The following BBX variants were observed in gnomAD, a reference collection of about 807,000 sequenced individuals.
BBX encodes the protein HMG box transcription factor BBX.
A neutral mutation model predicts 100.2 loss-of-function variants in BBX; 30 were observed. The ratio of observed to expected loss-of-function variants is 0.30; its 90% CI spans 0.22 to 0.41. BBX has a LOEUF of 0.41. BBX is among the 10% of genes least tolerant of loss of function. BBX has a pLI of 1.00. For synonymous variants in BBX, 376 were observed against 388.1 expected (o/e 0.97, Z 0.37); for missense variants, 1,023 against 1,129.8 (o/e 0.91, Z 1.35).
intron 3 of BBX, among the ~76,000 whole-genome samples, chr3:107,700,659 A>T (rs982282706): frequency 2.3e-5 from 3 of 132,756 alleles, no homozygotes; most frequent in African/African-American, 8.9e-5. Context: ...TCATTGTTCA[A>T]TTCCCACCTA....
chr3:107,769,333 T>C (rs1354294894), intron 10 of BBX, among the ~76,000 whole-genome samples: 1 of 152,196 alleles, frequency 6.6e-6, no homozygotes, highest in African/African-American at 2.4e-5. Flanking sequence ...AAGTTGTGTT[T>C]GCATATACAT....
chr3:107,552,374 GGGA>G (rs2049772971), intron 2 of BBX, among the ~76,000 whole-genome samples: 2 of 11,224 alleles, frequency 1.8e-4, no homozygotes, highest in Non-Finnish European at 4.9e-4. Context: ...AAAAAAAAAA[GGGA>G]TTGCTCTTGG....
chr3:107,546,907 A>G (rs892042014), intron 2 of BBX, among the ~76,000 whole-genome samples: 1 of 152,128 alleles, frequency 6.6e-6, no homozygotes. Flanking sequence ...TTACTCAACC[A>G]GTTTCTGTTA....
At position 107,565,443 on chromosome 3, in the gene BBX, TTTTA is replaced by T. The variant is rs80145598; in HGVS notation, c.-84+39079_-84+39082del. On this transcript the variant is annotated intron_variant, in intron 2 of 17. Coordinates refer to ENST00000325805, the MANE Select transcript of BBX (RefSeq NM_001142568.3). ...TTCACTACTATTAACAATAGTTTTA[TTTTA>T]TTTATTTATTTATTTATTTATTTAT... 1.2e-3 allele frequency among the ~76,000 whole-genome samples: 161 copies of T among 136,980 alleles called. 4 individuals carry two copies. The South Asian group carries it at 0.03, about 26-fold the overall frequency. The allele number at this position is 136,980 out of a possible 152,430, so 89.9% of individuals were successfully genotyped here. A position where few individuals can be genotyped will look rare whatever the true frequency, so the allele number is the denominator to read the frequency against.
At chr3:107,797,346 A>G (rs1559781592) in intron 15 of BBX, among the ~76,000 whole-genome samples, 1 of 114,090 alleles carries the variant, frequency 8.8e-6, no homozygotes, top group African/African-American at 3.5e-5. Flanking sequence ...AAATATATAT[A>G]TATATATATA....
Position 107,716,743 on chromosome 3 carries a change from A to G in BBX, c.299A>G (p.Gln100Arg). 6.2e-7 allele frequency: 1 copy of G among 1,613,848 alleles called. No individual in the cohort carries two copies. The highest frequency in any genetic ancestry group is 8.5e-7 in the Non-Finnish European group (1 of 1,179,792). The stretch of plus-strand genomic sequence containing the variant: ...AAACGCCATCGCTCTCTTGTACGTC[A>G]GGAACACCCCAGGCTTGATAACCGA... ...FCKRHRSLVRQEHPRLDNRGA... is the reference protein window; with the variant it reads ...FCKRHRSLVRREHPRLDNRGA... The change falls in exon 5 of 18, where the codon CAG (glutamine) becomes CGG (arginine). Residue 100 changes from glutamine (Q) to arginine (R), a missense_variant. By Grantham distance (43) the Gln-to-Arg change is conservative (BLOSUM62 1). Transcript: ENST00000325805.
intron 2 of BBX, among the ~76,000 whole-genome samples, chr3:107,566,832 T>C (rs1478531786): frequency 6.6e-6 from 1 of 152,054 alleles, no homozygotes; most frequent in Non-Finnish European, 1.5e-5. Context: ...ATTTTTGTTC[T>C]TTTTACTTTG....
chr3:107,647,846 G>A, intron 3 of BBX, among the ~76,000 whole-genome samples: 1 of 152,140 alleles, frequency 6.6e-6, no homozygotes, highest in East Asian at 1.9e-4. Context: ...TTGGACCAAA[G>A]CTGAAGGAGC....
intron 2 of BBX, among the ~76,000 whole-genome samples, chr3:107,596,116 C>A (rs895666877): frequency 6.6e-6 from 1 of 152,058 alleles, no homozygotes; most frequent in East Asian, 1.9e-4. Context: ...ATAGTTTAAA[C>A]CTATATTGTT....
At chr3:107,537,289 A>T (rs1055227654) in intron 2 of BBX, among the ~76,000 whole-genome samples, 1 of 152,238 alleles carries the variant, frequency 6.6e-6, no homozygotes, top group Non-Finnish European at 1.5e-5. Flanking sequence ...GCTATGTAAC[A>T]TATCTGAAAG....
intron 8 of BBX, among the ~76,000 whole-genome samples, chr3:107,745,744 A>G (rs1429006129): frequency 6.6e-6 from 1 of 152,098 alleles, no homozygotes; most frequent in East Asian, 1.9e-4. Context: ...ATGAGCCACC[A>G]TGCTCAGCCT....
At chr3:107,705,911 C>CT (rs1198646455) in intron 3 of BBX, among the ~76,000 whole-genome samples, 1 of 151,474 alleles carries the variant, frequency 6.6e-6, no homozygotes, top group Non-Finnish European at 1.5e-5. Flanking sequence ...TTTTCTTCTT[C>CT]TTTTAATAAA....
chr3:107,808,303 C>T lies in BBX; in HGVS notation c.*2846C>T, dbSNP rs866843876. The T allele has an allele frequency of 2.6e-5, 4 of 152,170 alleles. No individual in the cohort carries two copies. The South Asian group carries it at 6.2e-4, about 24-fold the overall frequency. The allele number at this position is 152,170 out of a possible 1,614,324, so 9.4% of individuals were successfully genotyped here. A position where few individuals can be genotyped will look rare whatever the true frequency, so the allele number is the denominator to read the frequency against. ...TGATGCTCTTCTGCTTTGTTTTATTCTAAATTGTTGTATCATATCTTTCTG... is the reference window on the plus strand; with the variant it reads ...TGATGCTCTTCTGCTTTGTTTTATTTTAAATTGTTGTATCATATCTTTCTG... On this transcript the variant is annotated 3_prime_UTR_variant, in exon 18 of 18. Coordinates refer to ENST00000325805, the MANE Select transcript of BBX (RefSeq NM_001142568.3).
At chr3:107,691,928 G>A (rs1370820720) in intron 3 of BBX, among the ~76,000 whole-genome samples, 1 of 151,964 alleles carries the variant, frequency 6.6e-6, no homozygotes, top group Non-Finnish European at 1.5e-5. Context: ...TTGCTTTTGA[G>A]AAAAATATTT....
intron 2 of BBX, among the ~76,000 whole-genome samples, chr3:107,574,069 A>G (rs1393559981): frequency 1.3e-5 from 2 of 152,228 alleles, no homozygotes; most frequent in African/African-American, 2.4e-5. Context: ...CAGACCATGT[A>G]TCTCTATTTT....
intron 2 of BBX, among the ~76,000 whole-genome samples, chr3:107,603,141 T>G (rs2054179720): frequency 6.6e-6 from 1 of 151,876 alleles, no homozygotes; most frequent in South Asian, 2.1e-4. Flanking sequence ...TTTTTTTTTG[T>G]TTTTAGTAGA....
intron 2 of BBX, among the ~76,000 whole-genome samples, chr3:107,545,947 C>T (rs1044339384): frequency 6.6e-6 from 1 of 152,166 alleles, no homozygotes; most frequent in African/African-American, 2.4e-5. Context: ...GTAGAAAGGG[C>T]ACTAAAATGT....
intron 13 of BBX, among the ~76,000 whole-genome samples, chr3:107,784,372 C>T (rs549984474): frequency 2.6e-5 from 4 of 152,032 alleles, no homozygotes; most frequent in African/African-American, 9.6e-5. Flanking sequence ...CACAAGCATA[C>T]ATGGAACAAT....
chr3:107,681,546 A>T (rs1370721126), intron 3 of BBX, among the ~76,000 whole-genome samples: 1 of 152,098 alleles, frequency 6.6e-6, no homozygotes, highest in Non-Finnish European at 1.5e-5. Context: ...ATGTTAACTC[A>T]GCAGGAAGTG....
Sources: allele counts gnomAD v4.1 joint callset (sites outside exome capture counted in the v4.1 genomes callset), GRCh38; gene constraint gnomAD v4.1.1; transcripts MANE v1.5; gene names NCBI Gene and HGNC (gene_info 2026-07-23, HGNC 2026-07-21).